The following SLC39A6 variants were observed in gnomAD, a reference collection of about 807,000 sequenced individuals.
SLC39A6 encodes solute carrier family 39 member 6, also known as zinc transporter ZIP6.
In SLC39A6, 51 loss-of-function variants were observed where a neutral mutation model predicts 63.5. The ratio of observed to expected loss-of-function variants is 0.80; its 90% CI spans 0.64 to 1.01. The LOEUF is 1.01. Ranked by LOEUF, SLC39A6 falls within the 50% of genes least tolerant of loss-of-function variation. The pLI is 0.00. For synonymous variants in SLC39A6, 318 were observed against 324.7 expected (o/e 0.98, Z 0.22); for missense variants, 805 against 927.8 (o/e 0.87, Z 1.72).
chr18:36,109,466 T>C lies in SLC39A6; in HGVS notation c.*127A>G. The C allele has an allele frequency of 1.5e-6, 1 of 651,948 alleles. No homozygotes were observed. 40.4% of individuals were successfully genotyped at this position (651,948 alleles called of 1,614,324 possible). On this transcript the variant is annotated 3_prime_UTR_variant, in exon 10 of 10. Coordinates refer to ENST00000269187, the MANE Select transcript of SLC39A6 (RefSeq NM_012319.4). ...TAACTGACTTTGTAACAGACAGCAA[T>C]ATTCAATACAAAAATCACAAAACCC...
At position 36,123,502 on chromosome 18, in the gene SLC39A6, A is replaced by T; in HGVS notation, c.1133T>A (p.Leu378His). 1.9e-6 allele frequency: 3 copies of T among 1,609,604 alleles called. No homozygotes were observed. Among genetic ancestry groups the T allele is most frequent in the Non-Finnish European group, 2.5e-6 (3 of 1,178,788 alleles). Residue 378 changes from leucine to histidine, a missense_variant, in exon 4 of 10, where the codon CTT becomes CAT. By Grantham distance (99) the Leu-to-His change is moderately conservative. Around this residue, in one of 4 missense-constraint regions of SLC39A6, gnomAD observed 639 missense variants for 644.0 expected, o/e 0.99. Transcript: ENST00000269187. ...ACAAATTACTATACTTACATGTGGA[A>T]GAAGGTGTAAAAAAGCATCACCACT... ...TLSGDAFLHLLPHSHASHHHS... is the reference protein window; with the variant it reads ...TLSGDAFLHLHPHSHASHHHS...
intron 5 of SLC39A6, among the ~76,000 whole-genome samples, chr18:36,117,169 G>A (rs2089352925): frequency 6.6e-6 from 1 of 152,176 alleles, no homozygotes; most frequent in South Asian, 2.1e-4. Flanking sequence ...CTCGGGAGGT[G>A]GAGGTTGCAG....
intron 1 of SLC39A6, among the ~76,000 whole-genome samples, chr18:36,127,847 C>T (rs532848808): frequency 6.8e-6 from 1 of 148,090 alleles, no homozygotes; most frequent in African/African-American, 2.5e-5. Flanking sequence ...CTCCTGGCCT[C>T]AAGAGATCCT....
rs757176680 is a variant in SLC39A6, at chr18:36,126,795, T to C, written c.213A>G (p.Ser71=). 1.2e-6 allele frequency: 2 copies of C among 1,614,264 alleles called. No homozygotes were observed. Among genetic ancestry groups the C allele is most frequent in the Admixed American group, 1.7e-5 (1 of 60,036 alleles). The stretch of plus-strand genomic sequence containing the variant: ...GAAGTAATTTTCTGAACCCTTCAAC[T>C]GACAAAGAATTATTTTCTCCATAGC... ...FYRYGENNSL[S]VEGFRKLLQN... The change falls in exon 2 of 10, where the codon TCA becomes TCG. Residue 71 remains serine, a synonymous_variant. Coordinates refer to ENST00000269187, the MANE Select transcript of SLC39A6 (RefSeq NM_012319.4).
intron 2 of SLC39A6, among the ~76,000 whole-genome samples, chr18:36,125,259 T>C (rs756876087): frequency 9.9e-5 from 15 of 151,112 alleles, no homozygotes; most frequent in Non-Finnish European, 2.1e-4. Flanking sequence ...AACAAACCTG[T>C]ACCGGCAGGC....
chr18:36,109,987 T>C (rs991266970), intron 9 of SLC39A6, among the ~76,000 whole-genome samples: 2 of 152,194 alleles, frequency 1.3e-5, no homozygotes, highest in African/African-American at 4.8e-5. Context: ...TTGTATTGGT[T>C]CCAGTTTCCA....
intron 5 of SLC39A6, among the ~76,000 whole-genome samples, chr18:36,120,830 T>C (rs2089387667): frequency 6.6e-6 from 1 of 152,192 alleles, no homozygotes; most frequent in African/African-American, 2.4e-5. Flanking sequence ...AGCTGAATAC[T>C]TGGAAGATTC....
chr18:36,126,764 T>C lies in SLC39A6; in HGVS notation c.244A>G (p.Ile82Val). 1 of 1,614,224 alleles carries C rather than the reference T, an allele frequency of 6.2e-7. No homozygotes were observed. The highest frequency in any genetic ancestry group is 1.1e-5 in the South Asian group (1 of 91,068). ...VEGFRKLLQN[I>V]GIDKIKRIHI... The stretch of plus-strand genomic sequence containing the variant: ...ATTCTTTTAATCTTATCTATGCCTA[T>C]ATTTTGAAGTAATTTTCTGAACCCT... Residue 82 changes from isoleucine to valine, a missense_variant, in exon 2 of 10, where the codon ATA (isoleucine) becomes GTA (valine). Physicochemically the swap from Ile to Val is conservative, Grantham distance 29. Around this residue, in one of 4 missense-constraint regions of SLC39A6, gnomAD observed 639 missense variants for 644.0 expected, o/e 0.99. Transcript: ENST00000269187.
rs779466613 is a variant in SLC39A6 at position 36,114,314 on chromosome 18, T to C, written c.1626A>G (p.Ser542=). The part of the protein sequence containing the change: ...VPRGCKNKCH[S]HFHDTLGQSD... ...ACTGGCCGAGTGTATCGTGGAAATGTGAATGGCATTTATTCTTGCACCCTC... is the reference window on the plus strand; with the variant it reads ...ACTGGCCGAGTGTATCGTGGAAATGCGAATGGCATTTATTCTTGCACCCTC... The change falls in exon 7 of 10, where the codon TCA becomes TCG. Residue 542 remains serine (S), a synonymous_variant. Coordinates refer to ENST00000269187, the MANE Select transcript of SLC39A6 (RefSeq NM_012319.4). 5 of 1,614,212 alleles carry C rather than the reference T, an allele frequency of 3.1e-6. No homozygotes were observed. The South Asian group carries it at 5.5e-5, about 18-fold the overall frequency.
intron 7 of SLC39A6, among the ~76,000 whole-genome samples, chr18:36,113,243 T>C (rs2089315769): frequency 6.6e-6 from 1 of 152,008 alleles, no homozygotes; most frequent in Admixed American, 6.6e-5. Flanking sequence ...TACAGGTGTG[T>C]ACCACCATAC....
chr18:36,118,925 T>C (rs538120715), intron 5 of SLC39A6, among the ~76,000 whole-genome samples: 16 of 152,268 alleles, frequency 1.1e-4, no homozygotes, highest in African/African-American at 3.9e-4. Context: ...GGAGAGACCA[T>C]GGACATATTT....
At chr18:36,128,299 A>T (rs1263781296) in intron 1 of SLC39A6, among the ~76,000 whole-genome samples, 2 of 152,240 alleles carry the variant, frequency 1.3e-5, no homozygotes, top group Non-Finnish European at 2.9e-5. Flanking sequence ...AAGCAAGAGC[A>T]TGGGGCTATC....
At position 36,114,367 on chromosome 18, in the gene SLC39A6, G is replaced by C. The variant is rs776263597; in HGVS notation, c.1573C>G (p.Gln525Glu). 19 of 1,614,208 alleles carry C rather than the reference G, an allele frequency of 1.2e-5. No individual in the cohort carries two copies. In the South Asian group the frequency reaches 2.1e-4, roughly 18 times the overall value. Residue 525 changes from glutamine to glutamate, a missense_variant, in exon 7 of 10, where the codon CAG becomes GAG. By Grantham distance (29) the Gln-to-Glu change is conservative. Around this residue, in one of 4 missense-constraint regions of SLC39A6, gnomAD observed 639 missense variants for 644.0 expected, o/e 0.99. Transcript: ENST00000269187. ...GGTACATATTCATTGTAGACTTCCT[G>C]TGGATGAGCATGAGCTATCATGACC... ...EEVMIAHAHP[Q>E]EVYNEYVPRG... is the part of the protein sequence containing the mutation.
Position 36,126,542 on chromosome 18 carries a change from T to C in SLC39A6, c.466A>G (p.Lys156Glu), listed in dbSNP as rs759612902. ...TTCCCCTGGCTGTTTCTAGGATCTT[T>C]ACCTGAACTATCTGAGTCATGGTCT... Reference protein sequence around the residue: ...CPDHDSDSSGKDPRNSQGKGA... With the variant: ...CPDHDSDSSGEDPRNSQGKGA... Residue 156 changes from lysine (K) to glutamate (E), a missense_variant, in exon 2 of 10, where the codon AAA becomes GAA. By Grantham distance (56) the Lys-to-Glu change is moderately conservative. Transcript: ENST00000269187. The C allele has an allele frequency of 6.2e-7, 1 of 1,614,244 alleles. No individual in the cohort carries two copies. Among genetic ancestry groups the C allele is most frequent in the South Asian group, 1.1e-5 (1 of 91,086 alleles).
intron 5 of SLC39A6, 51 bp downstream of exon 5, chr18:36,122,001 C>A: frequency 7.5e-7 from 1 of 1,329,484 alleles, no homozygotes; most frequent in Non-Finnish European, 1.1e-6. Flanking sequence ...TAGAGTACTA[C>A]TATAAATAAA....
intron 5 of SLC39A6, among the ~76,000 whole-genome samples, chr18:36,120,166 G>A (rs1022965610): frequency 6.6e-6 from 1 of 152,010 alleles, no homozygotes; most frequent in Non-Finnish European, 1.5e-5. Flanking sequence ...TCTCCCAGAG[G>A]TGCAAGATGG....
In SLC39A6 at chr18:36,127,877, T is replaced by A. The variant is rs115743862; in HGVS notation, c.-9-861A>T. ...GATCCTCCACCTCCAATTCCCAAAG[T>A]GCTGGGATTACAGGCGTGACCACTA... On this transcript the variant is annotated intron_variant, in intron 1 of 9. Transcript: ENST00000269187. Among the ~76,000 whole-genome samples, 580 of 151,486 alleles carry A rather than the reference T, an allele frequency of 3.8e-3. 9 individuals carry two copies. Among genetic ancestry groups the A allele is most frequent in the African/African-American group, 0.013 (556 of 41,312 alleles).
intron 9 of SLC39A6, among the ~76,000 whole-genome samples, chr18:36,110,015 A>G (rs2089288706): frequency 6.6e-6 from 1 of 152,198 alleles, no homozygotes; most frequent in African/African-American, 2.4e-5. Flanking sequence ...ATGAAAAGCG[A>G]TATTGATTTT....
At position 36,112,502 on chromosome 18, in the gene SLC39A6, T is replaced by C. The variant is rs2089308686; in HGVS notation, c.1923A>G (p.Leu641=). 2 of 1,610,570 alleles carry C rather than the reference T, an allele frequency of 1.2e-6. No individual in the cohort carries two copies. The highest frequency in any genetic ancestry group is 1.7e-6 in the Non-Finnish European group (2 of 1,177,424). Residue 641 remains leucine, a splice_region_variant and synonymous_variant, in exon 8 of 10, where the codon TTA becomes TTG. Coordinates refer to ENST00000269187, the MANE Select transcript of SLC39A6 (RefSeq NM_012319.4). ...AVFCHELPHE[L]GDFAVLLKAG... ...ATACAATTTATGTGGTTCTCTTACC[T>C]AATTCATGAGGCAACTCATGACAGA...
Sources: allele counts gnomAD v4.1 joint callset (sites outside exome capture counted in the v4.1 genomes callset), GRCh38; gene constraint gnomAD v4.1.1; regional missense constraint gnomAD v4.1.1; transcripts MANE v1.5; gene names NCBI Gene and HGNC (gene_info 2026-07-23, HGNC 2026-07-21).